Variants in WWOX observed in about 807,000 individuals in gnomAD.
The protein encoded by WWOX is WW domain containing oxidoreductase, also known as WW domain-containing oxidoreductase.
In WWOX, 69 loss-of-function variants were observed where a neutral mutation model predicts 46.2. That is an observed-to-expected ratio of 1.49 (90% CI 1.23 to 1.82). The LOEUF is 1.82. Ranked by LOEUF, WWOX falls within the 40% of genes most tolerant of loss-of-function variation. The pLI is 0.00. For synonymous variants in WWOX, 359 were observed against 202.6 expected, an observed-to-expected ratio of 1.77 and a Z score of -6.56; for missense variants, 919 against 542.6, an observed-to-expected ratio of 1.69 and a Z score of -6.89.
intron 8 of WWOX, among the ~76,000 whole-genome samples, chr16:78,981,569 C>G (rs1286076816): frequency 2.0e-5 from 3 of 151,976 alleles, no homozygotes; most frequent in Non-Finnish European, 2.9e-5. Flanking sequence ...TCCCAAGTAG[C>G]TGGGAGTAAA....
chr16:78,712,093 G>A (rs1004242846), intron 8 of WWOX, among the ~76,000 whole-genome samples: 2 of 152,058 alleles, frequency 1.3e-5, no homozygotes, highest in African/African-American at 4.8e-5. Context: ...ATCCATTCCT[G>A]TATCCTTTGT....
chr16:78,396,976 C>A (rs547343149), intron 6 of WWOX, among the ~76,000 whole-genome samples: 2 of 152,184 alleles, frequency 1.3e-5, no homozygotes, highest in Non-Finnish European at 2.9e-5. Context: ...AAATGAAATT[C>A]ATTTTACTAG....
intron 8 of WWOX, among the ~76,000 whole-genome samples, chr16:78,490,396 A>G (rs1375226189): frequency 1.3e-5 from 2 of 152,156 alleles, no homozygotes; most frequent in Non-Finnish European, 2.9e-5. Context: ...TTATGCAGTT[A>G]CCTTTGTCTT....
chr16:78,786,127 T>A (rs987557658), intron 8 of WWOX, among the ~76,000 whole-genome samples: 4 of 152,092 alleles, frequency 2.6e-5, no homozygotes, highest in African/African-American at 9.7e-5. Flanking sequence ...CCAGGCTGGT[T>A]TTGAACTCCT....
intron 4 of WWOX, among the ~76,000 whole-genome samples, chr16:78,117,411 C>T (rs774375919): frequency 6.6e-6 from 1 of 152,104 alleles, no homozygotes. Context: ...AAGCATACGT[C>T]TAGGTGAGTG....
At chr16:79,168,229 T>G (rs531771663) in intron 8 of WWOX, among the ~76,000 whole-genome samples, 4 of 152,338 alleles carry the variant, frequency 2.6e-5, no homozygotes, top group African/African-American at 9.6e-5. Context: ...TTCTCACTTT[T>G]CTTGGGTATA....
At chr16:78,144,469 A>ATATATATATATG (rs2034112351) in intron 4 of WWOX, among the ~76,000 whole-genome samples, 1 of 14,100 alleles carries the variant, frequency 7.1e-5, no homozygotes, top group Non-Finnish European at 1.3e-4. Flanking sequence ...ATATACACAC[A>ATATATATATATG]TATATATATA....
At chr16:79,131,342 A>G (rs1037782768) in intron 8 of WWOX, among the ~76,000 whole-genome samples, 1 of 152,152 alleles carries the variant, frequency 6.6e-6, no homozygotes, top group Non-Finnish European at 1.5e-5. Flanking sequence ...TAGTTTGCAC[A>G]TGAGGACACA....
At chr16:78,877,690 G>A (rs1227827605) in intron 8 of WWOX, among the ~76,000 whole-genome samples, 2 of 152,160 alleles carry the variant, frequency 1.3e-5, no homozygotes, top group Non-Finnish European at 1.5e-5. Flanking sequence ...AAGTTTGTAA[G>A]TACTGAGATT....
At chr16:78,774,614 G>T (rs1479657606) in intron 8 of WWOX, among the ~76,000 whole-genome samples, 1 of 151,880 alleles carries the variant, frequency 6.6e-6, no homozygotes, top group East Asian at 1.9e-4. Context: ...GGTAGTTCCT[G>T]GCACATGGCG....
At chr16:79,181,673 A>G (rs1036242075) in intron 8 of WWOX, among the ~76,000 whole-genome samples, 43 of 152,134 alleles carry the variant, frequency 2.8e-4, no homozygotes, top group African/African-American at 9.2e-4. Context: ...TTGATAAATA[A>G]TGCTGAGATG....
chr16:78,501,020 A>G (rs2085050660), intron 8 of WWOX, among the ~76,000 whole-genome samples: 2 of 152,148 alleles, frequency 1.3e-5, no homozygotes, highest in African/African-American at 2.4e-5. Flanking sequence ...GCTGGGGTGC[A>G]GGTGGAGGAG....
At chr16:78,404,546 G>A (rs928710677) in intron 6 of WWOX, among the ~76,000 whole-genome samples, 11 of 152,038 alleles carry the variant, frequency 7.2e-5, no homozygotes, top group African/African-American at 2.7e-4. Flanking sequence ...TTTCTCTTGT[G>A]GAGTTCGCTA....
intron 4 of WWOX, among the ~76,000 whole-genome samples, chr16:78,160,407 G>A (rs970992604): frequency 2.0e-5 from 3 of 152,160 alleles, no homozygotes; most frequent in Non-Finnish European, 4.4e-5. Flanking sequence ...TTACAGCCAT[G>A]AGCCACTGTG....
Position 78,681,726 on chromosome 16 carries a change from T to C in WWOX, c.1056+248974T>C, listed in dbSNP as rs113392524. 3.4e-3 allele frequency among the ~76,000 whole-genome samples: 524 copies of C among 152,314 alleles called. 3 individuals are homozygous for C. Among genetic ancestry groups the C allele is most frequent in the African/African-American group, 0.012 (495 of 41,578 alleles). On this transcript the variant is annotated intron_variant, in intron 8 of 8. Coordinates refer to ENST00000566780, the MANE Select transcript of WWOX (RefSeq NM_016373.4). ...CTCTTCGTTAATTACCTGAAGTGAA[T>C]GGGACAGTTTCCAATACTCAGCACA...
intron 8 of WWOX, among the ~76,000 whole-genome samples, chr16:78,908,535 G>T (rs1051892930): frequency 3.7e-5 from 2 of 53,914 alleles, no homozygotes; most frequent in African/African-American, 4.3e-5. Flanking sequence ...CTGAAACTCT[G>T]TCTCGGAAAA....
chr16:78,915,318 A>G (rs1434862562), intron 8 of WWOX, among the ~76,000 whole-genome samples: 2 of 152,194 alleles, frequency 1.3e-5, no homozygotes, highest in African/African-American at 4.8e-5. Flanking sequence ...GTCCAATTCC[A>G]TAAGAAGTAA....
At chr16:78,307,477 G>C (rs760829415) in intron 5 of WWOX, among the ~76,000 whole-genome samples, 26 of 152,174 alleles carry the variant, frequency 1.7e-4, no homozygotes, top group Admixed American at 3.3e-4. Context: ...GAAACAGGGA[G>C]AAGAGGTGAA....
At chr16:79,195,422 C>T (rs190736023) in intron 8 of WWOX, among the ~76,000 whole-genome samples, 9 of 152,234 alleles carry the variant, frequency 5.9e-5, no homozygotes, top group Admixed American at 2.0e-4. Context: ...TCCTGGAGTG[C>T]GTGTTGCTTT....
Sources: gnomAD v4.1 joint callset for allele counts (sites outside exome capture counted in the v4.1 genomes callset) on GRCh38, gnomAD v4.1.1 for gene constraint, MANE v1.5 for transcripts, NCBI Gene and HGNC (gene_info 2026-07-23, HGNC 2026-07-21) for gene names.